The following CLSPN variants were observed in gnomAD, a reference collection of about 807,000 sequenced individuals.
CLSPN encodes the protein claspin, also known as claspin homolog.
Under a neutral mutation model 156.3 loss-of-function variants are expected in CLSPN, and 85 were observed. That is an observed-to-expected ratio of 0.54 (90% CI 0.46 to 0.65). The LOEUF is 0.65. Among genes scored for constraint, CLSPN ranks in the 30% least tolerant of loss-of-function variants. The pLI is 0.00. For synonymous variants in CLSPN, 534 were observed against 542.4 expected, an observed-to-expected ratio of 0.98 and a Z score of 0.22; for missense variants, 1,407 against 1,554.9, an observed-to-expected ratio of 0.90 and a Z score of 1.60.
chr1:35,749,951 A>G (rs1230298765), intron 10 of CLSPN, 140 bp from the exon 11 acceptor site: 4 of 961,646 alleles, frequency 4.2e-6, no homozygotes, highest in Non-Finnish European at 5.9e-6. Flanking sequence ...GAAGTTCCAT[A>G]TGACCATTAT....
At chr1:35,739,675 A>C in intron 18 of CLSPN, 146 bp from the exon 19 acceptor site, 1 of 596,302 alleles carries the variant, frequency 1.7e-6, no homozygotes, top group Non-Finnish European at 2.8e-6. Context: ...AATAGTCTCC[A>C]CTTATGATGG....
chr1:35,767,886 C>T lies in CLSPN; in HGVS notation c.24+1961G>A, dbSNP rs564745518. On this transcript the variant is annotated intron_variant, in intron 1 of 24. Transcript: ENST00000318121. ...CTAAATAAGACAGTTTAAAAAGTCG[C>T]AAATAAAAACCTAAGGAGGAGGGGT... Among the ~76,000 whole-genome samples, 19 of 152,206 alleles carry T rather than the reference C, an allele frequency of 1.2e-4. No individual in the cohort carries two copies. In the South Asian group the frequency reaches 3.7e-3, roughly 30 times the overall value.
downstream of CLSPN, among the ~76,000 whole-genome samples, chr1:35,731,190 ACT>A (rs545389454): frequency 4.6e-4 from 69 of 149,266 alleles, no homozygotes; most frequent in African/African-American, 1.6e-3. Context: ...ACAGGGCGAG[ACT>A]CTGTCTCAAA....
intron 1 of CLSPN, among the ~76,000 whole-genome samples, chr1:35,768,646 G>A (rs1642758847): frequency 6.6e-6 from 1 of 151,774 alleles, no homozygotes; most frequent in Non-Finnish European, 1.5e-5. Flanking sequence ...GAACTCTTGA[G>A]CTCAAGCAAT....
Position 35,734,136 on chromosome 1 carries a change from T to C in CLSPN, c.*2360A>G. 1.0e-6 allele frequency: 1 copy of C among 985,376 alleles called. No homozygotes were observed. Among genetic ancestry groups the C allele is most frequent in the Non-Finnish European group, 1.2e-6 (1 of 829,914 alleles). 61.0% of individuals were successfully genotyped at this position (985,376 alleles called of 1,614,324 possible). ...CAGTGAGGGGACAATTGCAGCAGCT[T>C]CTCAGTTTAGACCCAGAGGGTTTCC... On this transcript the variant is annotated 3_prime_UTR_variant, in exon 25 of 25. Transcript: ENST00000318121.
rs146166280 is a variant in CLSPN at position 35,759,959 on chromosome 1, G to T, written c.1579+383C>A. On this transcript the variant is annotated intron_variant, in intron 8 of 24. Coordinates refer to ENST00000318121, the MANE Select transcript of CLSPN (RefSeq NM_022111.4). The stretch of plus-strand genomic sequence containing the variant: ...AGTAATTCTCCTGCCCCAGCCTCCC[G>T]AGTAGCTAGGACTACAGATGCGTGC... Among the ~76,000 whole-genome samples, 745 of 148,442 alleles carry T rather than the reference G, an allele frequency of 5.0e-3. 11 individuals carry two copies. Among genetic ancestry groups the T allele is most frequent in the African/African-American group, 0.018 (711 of 40,274 alleles).
chr1:35,732,929 C>T lies in CLSPN; in HGVS notation c.*3567G>A, dbSNP rs920316783. On this transcript the variant is annotated 3_prime_UTR_variant, in exon 25 of 25. Transcript: ENST00000318121. ...TCAAGTTTTCTTTCTCCAAAGAGTG[C>T]TTTCTCCCAGGAGCCTCAATCAGAA... is the stretch of plus-strand genomic sequence containing the variant. 1 of 985,184 alleles carries T rather than the reference C, an allele frequency of 1.0e-6. No homozygotes were observed. The highest frequency in any genetic ancestry group is 1.7e-5 in the African/African-American group (1 of 57,218). 61.0% of individuals were successfully genotyped at this position (985,184 alleles called of 1,614,324 possible).
chr1:35,751,595 C>T, intron 9 of CLSPN, 89 bp from the exon 10 acceptor site: 1 of 1,483,378 alleles, frequency 6.7e-7, no homozygotes. Flanking sequence ...TAGTCACATC[C>T]CAAAAGGAAA....
chr1:35,760,181 A>C (rs1642424639), intron 8 of CLSPN, among the ~76,000 whole-genome samples, 161 bp downstream of exon 8: 2 of 152,180 alleles, frequency 1.3e-5, no homozygotes, highest in Admixed American at 1.3e-4. Context: ...TACCCTGCCA[A>C]ATTTCTCTAA....
intron 8 of CLSPN, among the ~76,000 whole-genome samples, chr1:35,756,685 T>C (rs746232410): frequency 1.3e-4 from 20 of 152,192 alleles, no homozygotes; most frequent in Non-Finnish European, 2.2e-4. Context: ...GATTATTCCA[T>C]ATGCTATTGC....
At chr1:35,753,998 T>C in intron 8 of CLSPN, 62 bp from the exon 9 acceptor site, 3 of 1,496,976 alleles carry the variant, frequency 2.0e-6, no homozygotes, top group Non-Finnish European at 9.1e-7. Context: ...CCTTTAAGAC[T>C]TATAAGCTAA....
intron 9 of CLSPN, 88 bp downstream of exon 9, chr1:35,753,657 A>G (rs1223770313): frequency 2.3e-6 from 3 of 1,286,782 alleles, no homozygotes; most frequent in African/African-American, 3.0e-5. Context: ...AGATTCTATA[A>G]CTTTTCATTA....
intron 16 of CLSPN, 120 bp from the exon 17 acceptor site, chr1:35,743,650 G>T: frequency 1.4e-6 from 1 of 693,708 alleles, no homozygotes; most frequent in Non-Finnish European, 2.5e-6. Flanking sequence ...CTCTGAGACA[G>T]TCTTGGTCTC....
intron 24 of CLSPN, among the ~76,000 whole-genome samples, chr1:35,723,982 C>A (rs539582276): frequency 6.6e-6 from 1 of 152,248 alleles, no homozygotes; most frequent in East Asian, 1.9e-4. Context: ...CAGAGCCAGA[C>A]CCTGTCTCAA....
At chr1:35,763,135 C>A (rs1169952277) in intron 4 of CLSPN, 25 bp downstream of exon 4, 3 of 1,518,790 alleles carry the variant, frequency 2.0e-6, no homozygotes, top group East Asian at 2.5e-5. Flanking sequence ...TTGATTAACT[C>A]TTATTGCAAT....
At position 35,745,800 on chromosome 1, in the gene CLSPN, G is replaced by A. The variant is rs143532622; in HGVS notation, c.2855-238C>T. On this transcript the variant is annotated intron_variant, in intron 15 of 24. Transcript: ENST00000318121. ...CCCAGGTCTCATAGAGCTTATGTTC[G>A]ATCTAGCAGTTGTGTGTATTGGGGG... Among the ~76,000 whole-genome samples, 25 of 152,274 alleles carry A rather than the reference G, an allele frequency of 1.6e-4. No individual in the cohort carries two copies. In the East Asian group the frequency reaches 3.7e-3, roughly 22 times the overall value.
At chr1:35,755,692 C>T (rs151283891) in intron 8 of CLSPN, among the ~76,000 whole-genome samples, 1 of 152,100 alleles carries the variant, frequency 6.6e-6, no homozygotes, top group Non-Finnish European at 1.5e-5. Context: ...CAGGTGTGAG[C>T]CATTGTGCCC....
Position 35,746,847 on chromosome 1 carries a change from T to C in CLSPN, c.2773A>G (p.Lys925Glu). 6.2e-7 allele frequency: 1 copy of C among 1,614,098 alleles called. No individual in the cohort carries two copies. The highest frequency in any genetic ancestry group is 8.5e-7 in the Non-Finnish European group (1 of 1,179,974). ...CTGKFTSQAE[K>E]HLPRKSDKKE... ...TTGTCACTCTTCCTGGGTAGATGTT[T>C]TTCAGCCTGAGATGTGAACTTTCCA... Residue 925 changes from lysine to glutamate, a missense_variant, in exon 15 of 25, where the codon AAA becomes GAA. By Grantham distance (56) the Lys-to-Glu change is moderately conservative. Coordinates refer to ENST00000318121, the MANE Select transcript of CLSPN (RefSeq NM_022111.4). This position sits in a 1 kb window ranked among gnomAD's most constrained non-coding sequence, Gnocchi z 4.2.
In CLSPN at chr1:35,734,727, A is replaced by C. The variant is rs1400416110; in HGVS notation, c.*1769T>G. ...AAAAGAAAAAGAAAAAGAAAAGAAA[A>C]GAAAAACTGTAAAAAACCTACAACC... On this transcript the variant is annotated 3_prime_UTR_variant, in exon 25 of 25. Transcript: ENST00000318121. The C allele has an allele frequency of 3.4e-5, 33 of 976,720 alleles. No homozygotes were observed. Among genetic ancestry groups the C allele is most frequent in the Non-Finnish European group, 3.8e-5 (31 of 822,248 alleles). 60.5% of individuals were successfully genotyped at this position (976,720 alleles called of 1,614,324 possible).
Sources: allele counts gnomAD v4.1 joint callset (sites outside exome capture counted in the v4.1 genomes callset), GRCh38; gene constraint gnomAD v4.1.1; non-coding constraint Gnocchi (gnomAD v3.1); transcripts MANE v1.5; gene names NCBI Gene and HGNC (gene_info 2026-07-23, HGNC 2026-07-21).